AUTS2: variants seen among roughly 807,000 people sequenced by gnomAD.
AUTS2 encodes the protein activator of transcription and developmental regulator AUTS2.
In AUTS2, 17 loss-of-function variants were observed where a neutral mutation model predicts 112.4. That is an observed-to-expected ratio of 0.15 (90% CI 0.10 to 0.23). The LOEUF (loss-of-function observed/expected upper bound fraction) is 0.23. AUTS2 is among the 10% of genes least tolerant of loss of function. The pLI is 1.00. For missense variants in AUTS2, 1,510 were observed against 1,701.6 expected, an observed-to-expected ratio of 0.89 and a Z score of 1.98; for synonymous variants, 751 against 702.7, an observed-to-expected ratio of 1.07 and a Z score of -1.09.
intron 4 of AUTS2, among the ~76,000 whole-genome samples, chr7:70,426,935 A>G (rs1400975998): frequency 6.7e-6 from 1 of 149,720 alleles, no homozygotes; most frequent in Non-Finnish European, 1.5e-5. Context: ...TTTGGGTTTT[A>G]TTAGCTTACA....
intron 2 of AUTS2, among the ~76,000 whole-genome samples, chr7:70,048,482 T>A (rs1801603958): frequency 6.6e-6 from 1 of 152,234 alleles, no homozygotes; most frequent in African/African-American, 2.4e-5. Flanking sequence ...TTTCACTCAT[T>A]CTGTATAGAC....
chr7:70,773,177 C>A (rs949543508), intron 11 of AUTS2, among the ~76,000 whole-genome samples: 17 of 152,142 alleles, frequency 1.1e-4, no homozygotes, highest in Non-Finnish European at 1.9e-4. Flanking sequence ...CTTTTCCCCC[C>A]CTTCTCCTTG....
intron 5 of AUTS2, among the ~76,000 whole-genome samples, chr7:70,559,571 T>A (rs997263749): frequency 7.9e-5 from 12 of 152,308 alleles, no homozygotes; most frequent in African/African-American, 2.4e-4. Flanking sequence ...TGACCTCAAG[T>A]GATCCACCTG....
chr7:70,141,220 C>T (rs763532487), intron 4 of AUTS2, among the ~76,000 whole-genome samples: 5 of 152,026 alleles, frequency 3.3e-5, no homozygotes, highest in African/African-American at 9.7e-5. Context: ...TGGAGAAAGA[C>T]GGGACTTAGA....
chr7:70,107,499 A>G (rs1804833128), intron 2 of AUTS2, among the ~76,000 whole-genome samples: 2 of 150,292 alleles, frequency 1.3e-5, no homozygotes, highest in Admixed American at 1.3e-4. Context: ...ACGCCCCACC[A>G]TGCCCAGCTA....
intron 1 of AUTS2, among the ~76,000 whole-genome samples, chr7:69,666,108 A>G (rs925677116): frequency 1.3e-5 from 2 of 152,248 alleles, no homozygotes; most frequent in Non-Finnish European, 2.9e-5. Flanking sequence ...ACATATGCAT[A>G]TATGTGTGTG....
rs1794919275 is a variant in AUTS2, at chr7:69,900,373, A to C, written c.522+875A>C. On this transcript the variant is annotated intron_variant, in intron 2 of 18. Coordinates refer to ENST00000342771, the MANE Select transcript of AUTS2 (RefSeq NM_015570.4). ...GTGGTGTACAGAGCAGGTGCTGCTA[A>C]TTAGAGGTGGAATAGGTAATTTTTG... Among the ~76,000 whole-genome samples, 2 of 152,216 alleles carry C rather than the reference A, an allele frequency of 1.3e-5. 1 individual carries two copies. The highest frequency in any genetic ancestry group is 4.1e-4 in the South Asian group (2 of 4,830).
rs1472132953 is a variant in AUTS2, at chr7:70,485,842, A to G, written c.690+50061A>G. On this transcript the variant is annotated intron_variant, in intron 5 of 18. Transcript: ENST00000342771. ...CGAGGGTGCTGGCACCTGGATCGCC[A>G]TGCAGGGTGCAGCTGTGGCCAGCTC... Among the ~76,000 whole-genome samples, 6 of 152,104 alleles carry G rather than the reference A, an allele frequency of 3.9e-5. No homozygotes were observed. The East Asian group carries it at 9.7e-4, about 24-fold the overall frequency.
intron 1 of AUTS2, among the ~76,000 whole-genome samples, chr7:69,805,060 T>C (rs781148934): frequency 2.6e-5 from 4 of 152,220 alleles, no homozygotes; most frequent in Non-Finnish European, 4.4e-5. Flanking sequence ...AACTCTTATT[T>C]GGTGCAGTTG....
At chr7:69,718,410 A>C (rs1798735515) in intron 1 of AUTS2, among the ~76,000 whole-genome samples, 1 of 152,102 alleles carries the variant, frequency 6.6e-6, no homozygotes, top group African/African-American at 2.4e-5. Flanking sequence ...TCTGGGACAA[A>C]TTCTATGACC....
intron 5 of AUTS2, among the ~76,000 whole-genome samples, chr7:70,471,190 G>A (rs1024495104): frequency 6.6e-6 from 1 of 152,242 alleles, no homozygotes; most frequent in East Asian, 1.9e-4. Flanking sequence ...GTCCCTTGTC[G>A]GATATACTGT....
chr7:69,770,801 T>TC (rs990580791), intron 1 of AUTS2, among the ~76,000 whole-genome samples: 1 of 145,220 alleles, frequency 6.9e-6, no homozygotes, highest in African/African-American at 2.5e-5. Flanking sequence ...TTGCTTTTTT[T>TC]CCCCCCTCAC....
intron 5 of AUTS2, among the ~76,000 whole-genome samples, chr7:70,678,640 A>G (rs148013045): frequency 1.7e-4 from 26 of 152,308 alleles, no homozygotes; most frequent in African/African-American, 6.3e-4. Context: ...TACTTTTTTT[A>G]TTAGTTGGGT....
intron 4 of AUTS2, among the ~76,000 whole-genome samples, chr7:70,153,731 G>A (rs950767673): frequency 2.6e-5 from 4 of 152,124 alleles, no homozygotes; most frequent in Admixed American, 2.0e-4. Context: ...AGCTCAGACA[G>A]CTACACACAA....
In AUTS2 at chr7:70,575,525, A is replaced by G. The variant is rs372178370; in HGVS notation, c.691-123044A>G. On this transcript the variant is annotated intron_variant, in intron 5 of 18. Transcript: ENST00000342771. ...GACAGGCTTCAAATAACCTTAAAGC[A>G]TGCAGCCCCAATGCTTGTCTGTCTG... Among the ~76,000 whole-genome samples, 582 of 152,302 alleles carry G rather than the reference A, an allele frequency of 3.8e-3. 1 individual carries two copies. The highest frequency in any genetic ancestry group is 6.9e-3 in the Non-Finnish European group (467 of 68,016).
intron 4 of AUTS2, among the ~76,000 whole-genome samples, chr7:70,347,106 C>G (rs1337079945): frequency 1.3e-5 from 2 of 152,162 alleles, no homozygotes; most frequent in African/African-American, 4.8e-5. Context: ...CAGGATATTG[C>G]GGTGTGCCTC....
At chr7:70,088,416 C>T (rs777443194) in intron 2 of AUTS2, among the ~76,000 whole-genome samples, 11 of 152,040 alleles carry the variant, frequency 7.2e-5, no homozygotes, top group African/African-American at 2.4e-4. Context: ...CATGAGCCAC[C>T]GTGCCTGGCC....
At chr7:70,540,998 C>T (rs777159601) in intron 5 of AUTS2, among the ~76,000 whole-genome samples, 4 of 152,282 alleles carry the variant, frequency 2.6e-5, no homozygotes, top group East Asian at 1.9e-4. Context: ...AAAGTCCCCC[C>T]CTATGAAGTG....
Position 70,611,752 on chromosome 7 carries a change from T to C in AUTS2, c.691-86817T>C, listed in dbSNP as rs147901237. 5.3e-5 allele frequency among the ~76,000 whole-genome samples: 8 copies of C among 152,328 alleles called. No individual in the cohort carries two copies. The South Asian group carries it at 8.3e-4, about 16-fold the overall frequency. On this transcript the variant is annotated intron_variant, in intron 5 of 18. Transcript: ENST00000342771. The stretch of plus-strand genomic sequence containing the variant: ...TGGAAAGGTATGAAGCACAGAGGAA[T>C]GAAAATCTCACACTCACTCACTAGA...
Sources: allele counts gnomAD v4.1 joint callset (sites outside exome capture counted in the v4.1 genomes callset), GRCh38; gene constraint gnomAD v4.1.1; transcripts MANE v1.5; gene names NCBI Gene and HGNC (gene_info 2026-07-23, HGNC 2026-07-21).